Variants in NRXN1 observed in about 807,000 individuals in gnomAD.
NRXN1 encodes the protein neurexin 1.
In NRXN1, 39 loss-of-function variants were observed where a neutral mutation model predicts 150.9. The observed-to-expected ratio is 0.26, with a 90% CI of 0.20 to 0.34. The LOEUF is 0.34. Among genes scored for constraint, NRXN1 ranks in the 10% least tolerant of loss-of-function variants. The probability of loss-of-function intolerance (pLI) is 1.00; values close to 1 mark genes in which losing one functional copy is unlikely to be tolerated. For missense variants in NRXN1, 1,815 were observed against 1,949.9 expected, an observed-to-expected ratio of 0.93 and a Z score of 1.30; for synonymous variants, 924 against 757.0, an observed-to-expected ratio of 1.22 and a Z score of -3.62.
intron 18 of NRXN1, among the ~76,000 whole-genome samples, chr2:50,137,935 GA>G (rs1558955343): frequency 2.0e-5 from 3 of 152,132 alleles, no homozygotes. Context: ...TCCTTTGACG[GA>G]AAATGAGACA....
chr2:50,340,941 G>C (rs1054923912), intron 17 of NRXN1, among the ~76,000 whole-genome samples: 1 of 152,124 alleles, frequency 6.6e-6, no homozygotes, highest in African/African-American at 2.4e-5. Context: ...AACCAAGTTT[G>C]GTTGCTCTAT....
chr2:49,983,627 A>C (rs576582418), intron 21 of NRXN1, among the ~76,000 whole-genome samples: 1 of 152,266 alleles, frequency 6.6e-6, no homozygotes, highest in South Asian at 2.1e-4. Flanking sequence ...TTCTGGAATC[A>C]GAAAATGTCT....
intron 17 of NRXN1, among the ~76,000 whole-genome samples, chr2:50,371,025 T>C (rs1036325354): frequency 7.2e-5 from 11 of 152,018 alleles, no homozygotes; most frequent in South Asian, 4.1e-4. Context: ...AAGGAAATCA[T>C]TTCCATGTCA....
At chr2:50,995,168 A>T (rs1699076009) in intron 2 of NRXN1, among the ~76,000 whole-genome samples, 1 of 151,980 alleles carries the variant, frequency 6.6e-6, no homozygotes, top group Non-Finnish European at 1.5e-5. Flanking sequence ...ACTGAGACAT[A>T]ATGAACTGCC....
chr2:50,097,338 T>A (rs750044972), intron 18 of NRXN1, among the ~76,000 whole-genome samples: 3 of 152,146 alleles, frequency 2.0e-5, no homozygotes, highest in Non-Finnish European at 4.4e-5. Context: ...GGGCCCCACT[T>A]TGGACAGAAC....
intron 2 of NRXN1, among the ~76,000 whole-genome samples, chr2:51,022,037 C>T (rs1669691851): frequency 6.6e-6 from 1 of 151,966 alleles, no homozygotes; most frequent in South Asian, 2.1e-4. Flanking sequence ...GGCTCGTTGT[C>T]TTTATAAACT....
chr2:50,528,655 G>T lies in NRXN1; in HGVS notation c.2348-4C>A. The stretch of plus-strand genomic sequence containing the variant: ...TTACAGTTAATCCTGATACAATCTA[G>T]ATGGGGAAGAATAGATGAAAAATGA... On this transcript the variant is annotated splice_region_variant and splice_polypyrimidine_tract_variant and intron_variant, in intron 11 of 22. Transcript: ENST00000401669. The T allele has an allele frequency of 6.5e-7, 1 of 1,545,560 alleles. No homozygotes were observed. Among genetic ancestry groups the T allele is most frequent in the Non-Finnish European group, 8.9e-7 (1 of 1,127,708 alleles).
At chr2:49,953,179 A>G (rs1674283741) in intron 21 of NRXN1, among the ~76,000 whole-genome samples, 1 of 152,134 alleles carries the variant, frequency 6.6e-6, no homozygotes, top group Non-Finnish European at 1.5e-5. Flanking sequence ...AGCAAGAAAT[A>G]TGGATGTGGC....
At chr2:50,030,199 G>T (rs1688990082) in intron 21 of NRXN1, among the ~76,000 whole-genome samples, 1 of 152,112 alleles carries the variant, frequency 6.6e-6, no homozygotes, top group Non-Finnish European at 1.5e-5. Flanking sequence ...ATAGGCCCAT[G>T]ACCTTCTTTT....
Position 50,387,500 on chromosome 2 carries a change from C to T in NRXN1, c.3364+77942G>A, listed in dbSNP as rs76317255. On this transcript the variant is annotated intron_variant, in intron 17 of 22. Coordinates refer to ENST00000401669, the MANE Select transcript of NRXN1 (RefSeq NM_001330078.2). The stretch of plus-strand genomic sequence containing the variant: ...GTTTCATTATGTCTCCTTAACAACA[C>T]GGGAACCTGTTGTCCTTTAAAAATA... Among the ~76,000 whole-genome samples the T allele has an allele frequency of 1.3e-3, 205 of 152,238 alleles. 4 individuals carry two copies. The highest frequency in any genetic ancestry group is 0.012 in the East Asian group (63 of 5,170).
At chr2:50,355,275 A>G (rs922769900) in intron 17 of NRXN1, among the ~76,000 whole-genome samples, 2 of 116,394 alleles carry the variant, frequency 1.7e-5, no homozygotes, top group African/African-American at 3.9e-5. Flanking sequence ...ACACATATAT[A>G]CAATATTTAT....
intron 5 of NRXN1, among the ~76,000 whole-genome samples, chr2:50,651,285 C>T (rs917188442): frequency 6.6e-6 from 1 of 151,878 alleles, no homozygotes; most frequent in Non-Finnish European, 1.5e-5. Flanking sequence ...AACTCTTGAG[C>T]TTTATGAGAT....
At chr2:50,917,974 T>C (rs1168799078) in intron 5 of NRXN1, 2 of 151,712 alleles carry the variant, frequency 1.3e-5, no homozygotes, top group African/African-American at 2.4e-5. Flanking sequence ...TAGATAAAAA[T>C]TTAAAGCACA....
At chr2:49,942,033 A>T (rs1220842737) in intron 22 of NRXN1, among the ~76,000 whole-genome samples, 1 of 152,176 alleles carries the variant, frequency 6.6e-6, no homozygotes, top group Non-Finnish European at 1.5e-5. Context: ...AAGCATACCA[A>T]TGAAAACCAA....
chr2:50,693,641 G>T (rs1409827787), intron 5 of NRXN1, among the ~76,000 whole-genome samples: 1 of 152,094 alleles, frequency 6.6e-6, no homozygotes, highest in African/African-American at 2.4e-5. Context: ...ACCACTAACT[G>T]CAAAGGAAAA....
intron 12 of NRXN1, among the ~76,000 whole-genome samples, chr2:50,520,833 T>C (rs1002555464): frequency 6.6e-6 from 1 of 152,086 alleles, no homozygotes; most frequent in Non-Finnish European, 1.5e-5. Flanking sequence ...TAGGTGAATA[T>C]GTCTGACTAC....
At chr2:50,498,550 A>G (rs1043067469) in intron 13 of NRXN1, among the ~76,000 whole-genome samples, 2 of 152,134 alleles carry the variant, frequency 1.3e-5, no homozygotes, top group African/African-American at 4.8e-5. Context: ...TTATTTAGCA[A>G]CTGACTATTC....
chr2:50,726,708 C>A (rs930217905), intron 5 of NRXN1, among the ~76,000 whole-genome samples: 11 of 152,118 alleles, frequency 7.2e-5, no homozygotes, highest in African/African-American at 2.2e-4. Flanking sequence ...TATATTAACA[C>A]TTGAAATAAT....
At chr2:50,015,548 C>G (rs909695598) in intron 21 of NRXN1, among the ~76,000 whole-genome samples, 1 of 141,596 alleles carries the variant, frequency 7.1e-6, no homozygotes, top group African/African-American at 2.6e-5. Flanking sequence ...AAAAAAAGAC[C>G]TGGGCTTGGG....
Sources: allele counts gnomAD v4.1 joint callset (sites outside exome capture counted in the v4.1 genomes callset), GRCh38; gene constraint gnomAD v4.1.1; transcripts MANE v1.5; gene names NCBI Gene and HGNC (gene_info 2026-07-23, HGNC 2026-07-21).